The following ZNF514 variants were observed in gnomAD, a reference collection of about 807,000 sequenced individuals.
ZNF514 encodes zinc finger protein 514.
ZNF514 carries 12 observed loss-of-function variants against 9.7 expected under a neutral mutation model. That is an observed-to-expected ratio of 1.24 (90% CI 0.79 to 2.01). The LOEUF is 2.01. Among genes scored for constraint, ZNF514 ranks in the 30% most tolerant of loss-of-function variants. The probability of loss-of-function intolerance (pLI) is 0.00; values close to 1 mark genes in which losing one functional copy is unlikely to be tolerated. For missense variants in ZNF514, 467 were observed against 465.5 expected (o/e 1.00, Z -0.03); for synonymous variants, 158 against 163.7 (o/e 0.97, Z 0.27).
At chr2:95,131,233 C>T in the ZNF514 span, among the ~76,000 whole-genome samples, 16 of 152,064 alleles carry the variant, frequency 1.1e-4, no homozygotes, top group Admixed American at 6.5e-4. Context: ...CTCCTAATGC[C>T]CTAACTGTAA....
the ZNF514 span, among the ~76,000 whole-genome samples, chr2:95,126,511 CCTCA>C: frequency 7.2e-5 from 11 of 151,932 alleles, no homozygotes; most frequent in African/African-American, 2.4e-4. Flanking sequence ...TTCTCTGTAT[CCTCA>C]CTAACATTCA....
the ZNF514 span, among the ~76,000 whole-genome samples, chr2:95,135,418 T>C: frequency 7.1e-6 from 1 of 140,080 alleles, no homozygotes; most frequent in Non-Finnish European, 1.5e-5. Flanking sequence ...TCGTTCTTTC[T>C]TTTTTTTTTT....
downstream of ZNF514, among the ~76,000 whole-genome samples, chr2:95,141,496 A>G (rs563646367): frequency 4.6e-5 from 7 of 152,146 alleles, no homozygotes; most frequent in Non-Finnish European, 1.0e-4. Context: ...TACCTCCAAT[A>G]CTATACTCTA....
At position 95,159,379 on chromosome 2, in the gene ZNF514, C is replaced by T. The variant is rs1673777817; in HGVS notation, c.-235G>A. ...GAGGGCCCAGCGCTCTTCAGCTGCC[C>T]GGAAACAGCAGGGATTCGGTGAGAG... On this transcript the variant is annotated 5_prime_UTR_variant, in exon 1 of 5. Coordinates refer to ENST00000295208, the MANE Select transcript of ZNF514 (RefSeq NM_032788.3). 4.3e-5 allele frequency: 7 copies of T among 162,336 alleles called. No homozygotes were observed. In the South Asian group the frequency reaches 9.9e-4, roughly 23 times the overall value. The allele number at this position is 162,336 out of a possible 1,614,324, so 10.1% of individuals were successfully genotyped here. A position where few individuals can be genotyped will look rare whatever the true frequency, so the allele number is the denominator to read the frequency against.
At chr2:95,142,848 C>T (rs1407256295), downstream of ZNF514, among the ~76,000 whole-genome samples, 1 of 152,220 alleles carries the variant, frequency 6.6e-6, no homozygotes, top group East Asian at 1.9e-4. Flanking sequence ...TTATGAATGA[C>T]ACCACCTCTT....
chr2:95,148,476 G>A lies in ZNF514; in HGVS notation c.*806C>T, dbSNP rs1673425363. The A allele has an allele frequency of 6.6e-6, 1 of 152,172 alleles. No homozygotes were observed. Among genetic ancestry groups the A allele is most frequent in the South Asian group, 2.1e-4 (1 of 4,826 alleles). 9.4% of individuals were successfully genotyped at this position (152,172 alleles called of 1,614,324 possible). On this transcript the variant is annotated 3_prime_UTR_variant, in exon 5 of 5. Coordinates refer to ENST00000295208, the MANE Select transcript of ZNF514 (RefSeq NM_032788.3). The stretch of plus-strand genomic sequence containing the variant: ...TTCCTCACATTCATCATGTTCCCAA[G>A]GTTTCTCTTTGAGATGAATACTGAA...
At chr2:95,139,986 A>G in the ZNF514 span, among the ~76,000 whole-genome samples, 1 of 152,192 alleles carries the variant, frequency 6.6e-6, no homozygotes, top group Non-Finnish European at 1.5e-5. Flanking sequence ...TTGCAGGGAC[A>G]TGGATGAAGA....
the ZNF514 span, among the ~76,000 whole-genome samples, chr2:95,139,241 G>A: frequency 6.6e-6 from 1 of 152,212 alleles, no homozygotes; most frequent in Admixed American, 6.5e-5. Context: ...ATGTGGGGTT[G>A]GAGCCCCCAC....
Position 95,149,034 on chromosome 2 carries a change from A to G in ZNF514, c.*248T>C. On this transcript the variant is annotated 3_prime_UTR_variant, in exon 5 of 5. Coordinates refer to ENST00000295208, the MANE Select transcript of ZNF514 (RefSeq NM_032788.3). ...TGAATAATATGCATCCTCTGATCAA[A>G]GCGTTCCCACATTCATTACATTCAC... 1 of 479,072 alleles carries G rather than the reference A, an allele frequency of 2.1e-6. No homozygotes were observed. The highest frequency in any genetic ancestry group is 3.6e-6 in the Non-Finnish European group (1 of 274,910). 29.7% of individuals were successfully genotyped at this position (479,072 alleles called of 1,614,324 possible).
rs1673708146 is a variant in ZNF514, at chr2:95,157,089, C to T, written c.-7+262G>A. 2.6e-5 allele frequency among the ~76,000 whole-genome samples: 4 copies of T among 152,280 alleles called. No homozygotes were observed. The South Asian group carries it at 6.2e-4, about 24-fold the overall frequency. On this transcript the variant is annotated intron_variant, in intron 2 of 4. Coordinates refer to ENST00000295208, the MANE Select transcript of ZNF514 (RefSeq NM_032788.3). ...CTGTGACACTCTTTCAAGGCCAGGG[C>T]TGTCACATTACCTGGTGGTCACCAC...
At chr2:95,128,401 A>C in the ZNF514 span, among the ~76,000 whole-genome samples, 6 of 150,384 alleles carry the variant, frequency 4.0e-5, no homozygotes, top group Non-Finnish European at 7.4e-5. Flanking sequence ...AAAAAAAAAA[A>C]AAAAAAACAG....
rs1441794204 is a variant in ZNF514 at position 95,159,718 on chromosome 2, C to T, written c.-574G>A. The T allele has an allele frequency of 7.1e-6, 1 of 141,212 alleles. No individual in the cohort carries two copies. The allele number at this position is 141,212 out of a possible 1,614,324, so 8.7% of individuals were successfully genotyped here. On this transcript the variant is annotated 5_prime_UTR_variant, in exon 1 of 5. Transcript: ENST00000295208. ...GCCCCGCGCCAGCCCCCGCGTCCGC[C>T]CCGCGCCAGCCCCCGCGTCCGCCCC... is the stretch of plus-strand genomic sequence containing the variant.
At chr2:95,155,268 C>T (rs144055201) in intron 2 of ZNF514, 95 of 152,314 alleles carry the variant, frequency 6.2e-4, no homozygotes, top group African/African-American at 2.3e-3. Context: ...AAGCCAACAG[C>T]CAAGGAAAAC....
chr2:95,150,066 AT>A lies in ZNF514; in HGVS notation c.418del (p.Ile140PhefsTer21). ...GCTAAGGGTGGTGGCAGATTTGTGA[AT>A]GGTTGACATTTGTTTCAGGTGTCTC... ...QERHLKQMST[I>X]HKSATTLSRD... On this transcript the variant is annotated frameshift_variant, in exon 5 of 5. Coordinates refer to ENST00000295208, the MANE Select transcript of ZNF514 (RefSeq NM_032788.3). LOFTEE classifies it low-confidence loss of function (END_TRUNC). 1 of 1,614,060 alleles carries A rather than the reference AT, an allele frequency of 6.2e-7. No individual in the cohort carries two copies. Among genetic ancestry groups the A allele is most frequent in the Non-Finnish European group, 8.5e-7 (1 of 1,180,030 alleles).
At chr2:95,153,897 G>T (rs1178064606) in intron 2 of ZNF514, 1 of 152,168 alleles carries the variant, frequency 6.6e-6, no homozygotes, top group Non-Finnish European at 1.5e-5. Flanking sequence ...GTGAAAGTAA[G>T]TACTACAAAT....
chr2:95,159,154 A>C, intron 1 of ZNF514, 86 bp downstream of exon 1: 1 of 564,904 alleles, frequency 1.8e-6, no homozygotes, highest in Non-Finnish European at 2.4e-6. Context: ...CAGGGCCCAG[A>C]GCAGGGCCGG....
At chr2:95,136,223 T>C in the ZNF514 span, among the ~76,000 whole-genome samples, 2 of 152,142 alleles carry the variant, frequency 1.3e-5, no homozygotes, top group Admixed American at 6.5e-5. Flanking sequence ...TGAATAGAAA[T>C]AGTTTTTCAT....
chr2:95,153,045 T>TA (rs1426708609), intron 3 of ZNF514, 88 bp downstream of exon 3: 10 of 1,524,638 alleles, frequency 6.6e-6, no homozygotes, highest in Non-Finnish European at 7.1e-6. Context: ...GGGCCAAACT[T>TA]AGCCAACCAG....
chr2:95,149,520 C>T lies in ZNF514; in HGVS notation c.965G>A (p.Gly322Glu). 6.2e-7 allele frequency: 1 copy of T among 1,613,978 alleles called. No homozygotes were observed. Among genetic ancestry groups the T allele is most frequent in the Non-Finnish European group, 8.5e-7 (1 of 1,179,994 alleles). The change falls in exon 5 of 5, where the codon GGG (glycine) becomes GAG (glutamate). Residue 322 changes from glycine to glutamate, a missense_variant. Coordinates refer to ENST00000295208, the MANE Select transcript of ZNF514 (RefSeq NM_032788.3). ...GEKPYECRECGRTFSQSSSLI... is the reference protein window; with the variant it reads ...GEKPYECRECERTFSQSSSLI... Reference sequence around the variant, plus strand: ...TGATGAGCTCTGGCTGAAGGTTCTCCCACATTCCCGGCATTCATAGGGCTT... The same window carrying T: ...TGATGAGCTCTGGCTGAAGGTTCTCTCACATTCCCGGCATTCATAGGGCTT...
Sources: gnomAD v4.1 joint callset for allele counts (sites outside exome capture counted in the v4.1 genomes callset) on GRCh38, gnomAD v4.1.1 for gene constraint, MANE v1.5 for transcripts, NCBI Gene and HGNC (gene_info 2026-07-23, HGNC 2026-07-21) for gene names.